XYLT1: variants seen among roughly 807,000 people sequenced by gnomAD.
XYLT1 encodes the protein xylosyltransferase 1.
XYLT1 carries 36 observed loss-of-function variants against 91.3 expected under a neutral mutation model. The observed-to-expected ratio is 0.39, with a 90% CI of 0.30 to 0.52. XYLT1 has a LOEUF of 0.52. XYLT1 is among the 20% of genes least tolerant of loss of function. The pLI, the probability that XYLT1 is intolerant of heterozygous loss-of-function variation, is 0.68. For missense variants in XYLT1, 1,242 were observed against 1,284.5 expected (o/e 0.97, Z 0.51); for synonymous variants, 588 against 532.0 (o/e 1.11, Z -1.45).
chr16:17,322,370 A>G (rs2034737079), intron 2 of XYLT1, among the ~76,000 whole-genome samples: 1 of 152,198 alleles, frequency 6.6e-6, no homozygotes, highest in Non-Finnish European at 1.5e-5. Context: ...CATGAACTAG[A>G]TAATATAATC....
At chr16:17,443,263 T>C (rs890866282) in intron 1 of XYLT1, among the ~76,000 whole-genome samples, 2 of 152,200 alleles carry the variant, frequency 1.3e-5, no homozygotes, top group African/African-American at 4.8e-5. Context: ...TAGTATGATA[T>C]AAAATATAAA....
intron 2 of XYLT1, among the ~76,000 whole-genome samples, chr16:17,297,891 T>G (rs1431032836): frequency 2.0e-5 from 3 of 151,998 alleles, no homozygotes; most frequent in Admixed American, 1.3e-4. Context: ...CGTGGTGGTG[T>G]GTGCCTGTAG....
intron 2 of XYLT1, among the ~76,000 whole-genome samples, chr16:17,335,232 A>C (rs2034962132): frequency 6.7e-6 from 1 of 149,708 alleles, no homozygotes; most frequent in South Asian, 2.1e-4. Flanking sequence ...AAAACAAAAA[A>C]ACAATAACAA....
At chr16:17,189,204 A>G (rs933397529) in intron 5 of XYLT1, among the ~76,000 whole-genome samples, 3 of 152,160 alleles carry the variant, frequency 2.0e-5, no homozygotes, top group Non-Finnish European at 2.9e-5. Context: ...GAAGGGAAAA[A>G]GGGAAGCTTG....
intron 2 of XYLT1, among the ~76,000 whole-genome samples, chr16:17,337,665 A>T (rs893027851): frequency 9.2e-5 from 14 of 152,032 alleles, no homozygotes; most frequent in Non-Finnish European, 1.3e-4. Flanking sequence ...AGGTTGTGGG[A>T]CCACAAACCC....
chr16:17,448,032 T>C (rs1446935945), intron 1 of XYLT1, among the ~76,000 whole-genome samples: 1 of 152,168 alleles, frequency 6.6e-6, no homozygotes, highest in Non-Finnish European at 1.5e-5. Flanking sequence ...AATTGTAAAA[T>C]TCATCCCAGA....
At chr16:17,285,746 C>T (rs559197288) in intron 2 of XYLT1, among the ~76,000 whole-genome samples, 1 of 152,274 alleles carries the variant, frequency 6.6e-6, no homozygotes, top group South Asian at 2.1e-4. Flanking sequence ...TTACCAACTC[C>T]ACTACAGAAC....
intron 1 of XYLT1, among the ~76,000 whole-genome samples, chr16:17,456,859 A>T (rs945262239): frequency 6.6e-6 from 1 of 152,214 alleles, no homozygotes; most frequent in African/African-American, 2.4e-5. Flanking sequence ...CAGCCACATC[A>T]TAAGGCTGAT....
intron 2 of XYLT1, among the ~76,000 whole-genome samples, chr16:17,300,452 C>CTTTTTTTGTTTTTT (rs2034377055): frequency 1.5e-5 from 1 of 64,840 alleles, no homozygotes; most frequent in African/African-American, 6.2e-5. Flanking sequence ...TTCATTCTTT[C>CTTTTTTTGTTTTTT]TTTTTTTTTT....
At chr16:17,297,748 G>A (rs531398150) in intron 2 of XYLT1, among the ~76,000 whole-genome samples, 15 of 152,162 alleles carry the variant, frequency 9.9e-5, no homozygotes, top group African/African-American at 1.7e-4. Context: ...AAGGCCGGGC[G>A]CGGTGGCTCA....
chr16:17,313,890 G>A (rs1164748378), intron 2 of XYLT1, among the ~76,000 whole-genome samples: 1 of 152,082 alleles, frequency 6.6e-6, no homozygotes, highest in African/African-American at 2.4e-5. Context: ...GGAATAAGGG[G>A]ATATAATTAA....
intron 1 of XYLT1, among the ~76,000 whole-genome samples, chr16:17,457,920 G>GA (rs902181740): frequency 2.0e-5 from 3 of 151,590 alleles, no homozygotes; most frequent in East Asian, 3.9e-4. Context: ...ATTTCAAAAG[G>GA]AAAAAAGAAG....
chr16:17,139,377 A>AGGAG, intron 7 of XYLT1, among the ~76,000 whole-genome samples: 1 of 152,286 alleles, frequency 6.6e-6, no homozygotes, highest in East Asian at 1.9e-4. Flanking sequence ...GCAGAGATGC[A>AGGAG]GGAGGTGGGA....
intron 5 of XYLT1, among the ~76,000 whole-genome samples, chr16:17,172,454 C>T (rs1274351377): frequency 4.0e-5 from 6 of 149,038 alleles, no homozygotes; most frequent in Non-Finnish European, 8.9e-5. Flanking sequence ...GTGCCAAAGA[C>T]TGCGTTCATT....
chr16:17,423,002 C>T (rs1197335336), intron 1 of XYLT1, among the ~76,000 whole-genome samples: 1 of 152,146 alleles, frequency 6.6e-6, no homozygotes. Flanking sequence ...CCTGCAAAGT[C>T]CCCGTACAGA....
chr16:17,410,114 T>G (rs2036088698), intron 1 of XYLT1, among the ~76,000 whole-genome samples: 2 of 152,182 alleles, frequency 1.3e-5, no homozygotes, highest in South Asian at 4.1e-4. Context: ...CCTTGACCGC[T>G]GCTGGCTGCC....
At chr16:17,397,273 G>A (rs1308163744) in intron 1 of XYLT1, among the ~76,000 whole-genome samples, 1 of 152,236 alleles carries the variant, frequency 6.6e-6, no homozygotes, top group Non-Finnish European at 1.5e-5. Flanking sequence ...AATAAGCATT[G>A]CCATCGACCT....
intron 2 of XYLT1, among the ~76,000 whole-genome samples, chr16:17,291,213 AG>A (rs2034220203): frequency 6.6e-6 from 1 of 152,220 alleles, no homozygotes; most frequent in South Asian, 2.1e-4. Flanking sequence ...ATGTTGCCAC[AG>A]GGCTGGTCTT....
At chr16:17,422,943 C>T (rs961321145) in intron 1 of XYLT1, among the ~76,000 whole-genome samples, 3 of 152,162 alleles carry the variant, frequency 2.0e-5, no homozygotes, top group Non-Finnish European at 2.9e-5. Flanking sequence ...CTCACCACGC[C>T]CTGCATCGGT....
Sources: allele counts gnomAD v4.1 joint callset (sites outside exome capture counted in the v4.1 genomes callset), GRCh38; gene constraint gnomAD v4.1.1; transcripts MANE v1.5; gene names NCBI Gene and HGNC (gene_info 2026-07-23, HGNC 2026-07-21).